CCSER1: variants seen among roughly 807,000 people sequenced by gnomAD.
The protein encoded by CCSER1 is serine-rich coiled-coil domain-containing protein 1.
A neutral mutation model predicts 82.0 loss-of-function variants in CCSER1; 41 were observed. That is an observed-to-expected ratio of 0.50 (90% CI 0.39 to 0.65). The LOEUF (loss-of-function observed/expected upper bound fraction) is 0.65. Ranked by LOEUF, CCSER1 falls within the 30% of genes least tolerant of loss-of-function variation. The pLI is 0.00. For synonymous variants in CCSER1, 414 were observed against 383.9 expected (o/e 1.08, Z -0.92); for missense variants, 1,119 against 1,064.2 (o/e 1.05, Z -0.72).
At chr4:91,273,210 T>G (rs1364625002) in intron 10 of CCSER1, among the ~76,000 whole-genome samples, 7 of 152,204 alleles carry the variant, frequency 4.6e-5, no homozygotes, top group African/African-American at 1.7e-4. Context: ...TTCACAATAT[T>G]GATTCTACCC....
chr4:90,408,592 C>T (rs1402825645), intron 4 of CCSER1, among the ~76,000 whole-genome samples: 1 of 152,208 alleles, frequency 6.6e-6, no homozygotes, highest in African/African-American at 2.4e-5. Flanking sequence ...AGAAGGAAAA[C>T]TAACCAACAG....
At chr4:91,568,134 G>C (rs1252453673) in intron 10 of CCSER1, among the ~76,000 whole-genome samples, 1 of 151,962 alleles carries the variant, frequency 6.6e-6, no homozygotes, top group East Asian at 1.9e-4. Context: ...TAAAATTTTT[G>C]GTTGAAGATT....
intron 10 of CCSER1, among the ~76,000 whole-genome samples, chr4:91,523,925 TTG>T (rs1178375037): frequency 6.6e-6 from 1 of 151,980 alleles, no homozygotes; most frequent in African/African-American, 2.4e-5. Context: ...GCCTTTGAAT[TTG>T]TTTGTGTTTT....
chr4:91,245,490 G>C (rs1159580749), intron 10 of CCSER1, among the ~76,000 whole-genome samples: 1 of 152,022 alleles, frequency 6.6e-6, no homozygotes, highest in Non-Finnish European at 1.5e-5. Flanking sequence ...AGAGTGATAT[G>C]ACATGTTAAA....
intron 1 of CCSER1, among the ~76,000 whole-genome samples, chr4:90,249,325 T>G (rs945695037): frequency 3.2e-4 from 48 of 152,192 alleles, no homozygotes; most frequent in African/African-American, 1.1e-3. Flanking sequence ...AAATTGCTTA[T>G]TAATAGTTTT....
Position 90,628,079 on chromosome 4 carries a change from C to T in CCSER1, c.1779C>T (p.His593=), listed in dbSNP as rs769606131. The part of the protein sequence containing the change: ...KDVDQEARCS[H]ISRMPNSPSA... ...TTGATCAAGAAGCCAGGTGTTCCCACATCAGCCGAATGCCCAACAGTCCAT... is the reference window on the plus strand; with the variant it reads ...TTGATCAAGAAGCCAGGTGTTCCCATATCAGCCGAATGCCCAACAGTCCAT... The change falls in exon 6 of 11, where the codon CAC becomes CAT. Residue 593 remains histidine (H), a synonymous_variant. Coordinates refer to ENST00000509176, the MANE Select transcript of CCSER1 (RefSeq NM_001145065.2). The T allele has an allele frequency of 2.5e-6, 4 of 1,613,676 alleles. No individual in the cohort carries two copies. The South Asian group carries it at 4.4e-5, about 18-fold the overall frequency.
chr4:90,863,246 G>A (rs1290755122), intron 8 of CCSER1, among the ~76,000 whole-genome samples: 2 of 151,602 alleles, frequency 1.3e-5, no homozygotes, highest in Non-Finnish European at 2.9e-5. Context: ...AATTTCATCC[G>A]TGTCCCTGGA....
intron 9 of CCSER1, among the ~76,000 whole-genome samples, chr4:91,014,440 C>T (rs1414686276): frequency 7.4e-6 from 1 of 134,330 alleles, no homozygotes; most frequent in East Asian, 2.4e-4. Flanking sequence ...CTCCACACCA[C>T]GTCCTACTCC....
Position 91,305,913 on chromosome 4 carries a change from TATCACG to T in CCSER1, c.2217+219921_2217+219926del, listed in dbSNP as rs199536067. ...CAGATCTTGTGAGACCCCCCCTCAC[TATCACG>T]AGAACAGCATGGGAGAACATGCCCC... On this transcript the variant is annotated intron_variant, in intron 10 of 10. Transcript: ENST00000509176. Among the ~76,000 whole-genome samples the T allele has an allele frequency of 7.3e-3, 1,113 of 151,990 alleles. 41 individuals carry two copies. The highest frequency in any genetic ancestry group is 0.059 in the Admixed American group (901 of 15,242).
chr4:91,523,004 G>A (rs1760570266), intron 10 of CCSER1, among the ~76,000 whole-genome samples: 1 of 152,156 alleles, frequency 6.6e-6, no homozygotes, highest in Non-Finnish European at 1.5e-5. Context: ...GATATTGGCT[G>A]TGGGTTTGTC....
intron 10 of CCSER1, among the ~76,000 whole-genome samples, chr4:91,209,548 C>A (rs1352969181): frequency 6.6e-6 from 1 of 151,872 alleles, no homozygotes; most frequent in Non-Finnish European, 1.5e-5. Context: ...CACCTTGCAT[C>A]CCAGGGATAA....
chr4:91,077,886 G>A (rs184731083), intron 9 of CCSER1, among the ~76,000 whole-genome samples: 18 of 152,348 alleles, frequency 1.2e-4, no homozygotes, highest in East Asian at 1.9e-4. Context: ...AGGTGGCAGC[G>A]AGGCTGGTGG....
At chr4:91,123,686 C>G (rs185679024) in intron 10 of CCSER1, among the ~76,000 whole-genome samples, 1 of 151,858 alleles carries the variant, frequency 6.6e-6, no homozygotes, top group Non-Finnish European at 1.5e-5. Context: ...TTTAGAACAA[C>G]TATGTGATAC....
At chr4:90,933,230 G>C (rs1307120834) in intron 9 of CCSER1, among the ~76,000 whole-genome samples, 13 of 149,620 alleles carry the variant, frequency 8.7e-5, no homozygotes, top group South Asian at 6.3e-4. Context: ...CTCTGTCGCC[G>C]AGGCTGGAGT....
chr4:91,420,601 A>G (rs1259735965), intron 10 of CCSER1, among the ~76,000 whole-genome samples: 2 of 152,148 alleles, frequency 1.3e-5, no homozygotes, highest in African/African-American at 4.8e-5. Context: ...TAGAAATGTA[A>G]GTTTGTAGAG....
chr4:90,739,848 GGGTGGTGTA>G (rs1473501736), intron 7 of CCSER1, among the ~76,000 whole-genome samples: 3 of 152,312 alleles, frequency 2.0e-5, no homozygotes, highest in Non-Finnish European at 4.4e-5. Flanking sequence ...AATAGGGGAA[GGGTGGTGTA>G]GGTAATTCAA....
In CCSER1 at chr4:90,664,588, T is replaced by C. The variant is rs144549035; in HGVS notation, c.1932+36356T>C. On this transcript the variant is annotated intron_variant, in intron 6 of 10. Transcript: ENST00000509176. ...CTTGGGTAATTGACAAATATCTATTTACAAAGCTGGTTTAGAAATAGAAAC... is the reference window on the plus strand; with the variant it reads ...CTTGGGTAATTGACAAATATCTATTCACAAAGCTGGTTTAGAAATAGAAAC... Among the ~76,000 whole-genome samples the C allele has an allele frequency of 6.0e-4, 92 of 152,312 alleles. 1 individual carries two copies. The East Asian group carries it at 0.014, about 24-fold the overall frequency.
intron 8 of CCSER1, among the ~76,000 whole-genome samples, chr4:90,849,994 G>A (rs1235708843): frequency 6.6e-6 from 1 of 152,092 alleles, no homozygotes; most frequent in Admixed American, 6.6e-5. Flanking sequence ...GCTGGGCACA[G>A]GGACACCCTG....
At chr4:91,318,341 T>C (rs1483651649) in intron 10 of CCSER1, among the ~76,000 whole-genome samples, 1 of 152,042 alleles carries the variant, frequency 6.6e-6, no homozygotes, top group Admixed American at 6.6e-5. Context: ...TATTTTCCAA[T>C]CAGTTTTTCC....
Sources: allele counts gnomAD v4.1 joint callset (sites outside exome capture counted in the v4.1 genomes callset), GRCh38; gene constraint gnomAD v4.1.1; transcripts MANE v1.5; gene names NCBI Gene and HGNC (gene_info 2026-07-23, HGNC 2026-07-21).